The following PPM1H variants were observed in gnomAD, a reference collection of about 807,000 sequenced individuals.
PPM1H encodes protein phosphatase 1H.
PPM1H carries 27 observed loss-of-function variants against 54.9 expected under a neutral mutation model. The ratio of observed to expected loss-of-function variants is 0.49; its 90% CI spans 0.36 to 0.68. PPM1H has a LOEUF of 0.68. Among genes scored for constraint, PPM1H ranks in the 30% least tolerant of loss-of-function variants. The probability of loss-of-function intolerance (pLI) is 0.00; values close to 1 mark genes in which losing one functional copy is unlikely to be tolerated. For missense variants in PPM1H, 596 were observed against 667.8 expected, an observed-to-expected ratio of 0.89 and a Z score of 1.19; for synonymous variants, 305 against 270.8, an observed-to-expected ratio of 1.13 and a Z score of -1.24.
intron 1 of PPM1H, among the ~76,000 whole-genome samples, chr12:62,876,439 A>G (rs1408639580): frequency 6.6e-6 from 1 of 152,236 alleles, no homozygotes; most frequent in Non-Finnish European, 1.5e-5. Context: ...TTAATGATGC[A>G]TTCAGTGCTT....
rs768288538 is a variant in PPM1H at position 62,658,212 on chromosome 12, T to TTC, written c.1397+8965_1397+8966insGA. Among the ~76,000 whole-genome samples the TTC allele has an allele frequency of 8.6e-4, 112 of 130,588 alleles. 2 individuals carry two copies. Among genetic ancestry groups the TTC allele is most frequent in the African/African-American group, 3.0e-3 (102 of 33,598 alleles). The allele number at this position is 130,588 out of a possible 152,430, so 85.7% of individuals were successfully genotyped here. On this transcript the variant is annotated intron_variant, in intron 9 of 9. Transcript: ENST00000228705. ...TTTTTTTTTTTTTTTTTTTTTTTTT[T>TTC]AAGTAAAAAAGAAGTTTCCACAGAC...
chr12:62,677,424 C>G (rs1457289824), intron 8 of PPM1H, among the ~76,000 whole-genome samples: 1 of 152,178 alleles, frequency 6.6e-6, no homozygotes. Context: ...CTTAGGAGCT[C>G]CCCGAGCCAG....
At position 62,788,287 on chromosome 12, in the gene PPM1H, T is replaced by C. The variant is rs1324112798; in HGVS notation, c.808A>G (p.Thr270Ala). 2 of 1,596,968 alleles carry C rather than the reference T, an allele frequency of 1.3e-6. No homozygotes were observed. The highest frequency in any genetic ancestry group is 1.7e-6 in the Non-Finnish European group (2 of 1,171,238). ...AAAAGGCAAATCACAATGAGGGCCG[T>C]GCAGCCACCAGATATATTATATGAA... is the stretch of plus-strand genomic sequence containing the variant. ...RSSYNISGGC[T>A]ALIVICLLGK... Residue 270 changes from threonine (T) to alanine (A), a missense_variant, in exon 4 of 10, where the codon ACG becomes GCG. Thr to Ala is a moderately conservative substitution (Grantham distance 58). This residue lies in a region of PPM1H where 382 missense variants were observed against 387.1 expected (regional missense o/e 0.99). Coordinates refer to ENST00000228705, the MANE Select transcript of PPM1H (RefSeq NM_020700.2).
chr12:62,834,398 A>G (rs1488422011), intron 1 of PPM1H, among the ~76,000 whole-genome samples: 1 of 152,218 alleles, frequency 6.6e-6, no homozygotes, highest in Non-Finnish European at 1.5e-5. Flanking sequence ...TGCCTGAGCT[A>G]AGCAACTTAT....
At chr12:62,796,570 T>C (rs1199035652) in intron 3 of PPM1H, among the ~76,000 whole-genome samples, 1 of 152,240 alleles carries the variant, frequency 6.6e-6, no homozygotes, top group African/African-American at 2.4e-5. Context: ...GGAGCTTCCA[T>C]GCCCTCACTT....
chr12:62,746,918 T>G (rs1319165111), intron 4 of PPM1H, among the ~76,000 whole-genome samples: 4 of 152,192 alleles, frequency 2.6e-5, no homozygotes, highest in Admixed American at 2.0e-4. Flanking sequence ...AGAGAAATCT[T>G]CAGATTCATG....
intron 1 of PPM1H, among the ~76,000 whole-genome samples, chr12:62,862,048 A>G (rs967667848): frequency 2.6e-5 from 4 of 152,224 alleles, no homozygotes; most frequent in African/African-American, 9.6e-5. Flanking sequence ...TTCCTGTGTT[A>G]CCCTAAAGCC....
At chr12:62,867,473 C>G (rs1010441315) in intron 1 of PPM1H, among the ~76,000 whole-genome samples, 1 of 151,414 alleles carries the variant, frequency 6.6e-6, no homozygotes, top group African/African-American at 2.4e-5. Context: ...TAAATATAAC[C>G]GCAGGGAAAC....
rs538556633 is a variant in PPM1H, at chr12:62,799,702, T to C, written c.756+2114A>G. ...ATTGGGATTGCAGGGTTGCAGGCTA[T>C]CAGACAGTCTTGAGATAGAAGTGCA... On this transcript the variant is annotated intron_variant, in intron 3 of 9. Transcript: ENST00000228705. Among the ~76,000 whole-genome samples, 4 of 152,372 alleles carry C rather than the reference T, an allele frequency of 2.6e-5. No individual in the cohort carries two copies. The East Asian group carries it at 7.7e-4, about 29-fold the overall frequency.
chr12:62,695,613 C>T (rs1331258737), intron 6 of PPM1H, among the ~76,000 whole-genome samples: 1 of 149,760 alleles, frequency 6.7e-6, no homozygotes, highest in Admixed American at 6.8e-5. Context: ...CTATTTTAAA[C>T]ACTGTGGTAT....
At chr12:62,659,319 G>T (rs1183323579) in intron 9 of PPM1H, 2 of 459,674 alleles carry the variant, frequency 4.4e-6, no homozygotes, top group Non-Finnish European at 7.8e-6. Flanking sequence ...CTCATATTCT[G>T]GCTCATCCAT....
chr12:62,909,698 C>T (rs1212572533), intron 1 of PPM1H, among the ~76,000 whole-genome samples: 1 of 152,184 alleles, frequency 6.6e-6, no homozygotes, highest in East Asian at 1.9e-4. Flanking sequence ...CTTCCCTGCA[C>T]TTACAGGTAG....
At chr12:62,803,345 C>T (rs1452190080) in intron 2 of PPM1H, among the ~76,000 whole-genome samples, 1 of 152,136 alleles carries the variant, frequency 6.6e-6, no homozygotes, top group Non-Finnish European at 1.5e-5. Context: ...AGAAAAGGAG[C>T]TCAATTATGA....
At chr12:62,742,796 G>A (rs372837988) in intron 4 of PPM1H, among the ~76,000 whole-genome samples, 5 of 152,246 alleles carry the variant, frequency 3.3e-5, no homozygotes, top group East Asian at 1.9e-4. Context: ...GAAAGTTGCC[G>A]GGGTTGAGGT....
At chr12:62,652,958 G>T (rs1407661498) in intron 9 of PPM1H, among the ~76,000 whole-genome samples, 4 of 152,090 alleles carry the variant, frequency 2.6e-5, no homozygotes, top group African/African-American at 9.7e-5. Flanking sequence ...TTTGGATTAA[G>T]AAAATCTTTA....
chr12:62,713,940 C>G (rs2076221706), intron 6 of PPM1H, among the ~76,000 whole-genome samples: 1 of 151,922 alleles, frequency 6.6e-6, no homozygotes, highest in African/African-American at 2.4e-5. Context: ...CGCCTTCCAG[C>G]CTGAGTGACA....
chr12:62,828,442 T>C (rs555151172), intron 2 of PPM1H, among the ~76,000 whole-genome samples: 14 of 152,318 alleles, frequency 9.2e-5, no homozygotes, highest in African/African-American at 3.4e-4. Context: ...TTCCTTCAAA[T>C]AGCTGCAATT....
At chr12:62,899,962 C>T (rs1871107214) in intron 1 of PPM1H, among the ~76,000 whole-genome samples, 1 of 151,924 alleles carries the variant, frequency 6.6e-6, no homozygotes, top group Non-Finnish European at 1.5e-5. Flanking sequence ...AGAGCTCCTT[C>T]ACCCTCTTTC....
chr12:62,885,499 G>T (rs951329917), intron 1 of PPM1H, among the ~76,000 whole-genome samples: 12 of 152,244 alleles, frequency 7.9e-5, no homozygotes, highest in Admixed American at 2.0e-4. Context: ...TAGTTACACA[G>T]CAAAATCCCT....
Sources: allele counts gnomAD v4.1 joint callset (sites outside exome capture counted in the v4.1 genomes callset), GRCh38; gene constraint gnomAD v4.1.1; regional missense constraint gnomAD v4.1.1; transcripts MANE v1.5; gene names NCBI Gene and HGNC (gene_info 2026-07-23, HGNC 2026-07-21).